ANO2: variants seen among roughly 807,000 people sequenced by gnomAD.
ANO2 encodes anoctamin-2.
In ANO2, 101 loss-of-function variants were observed where a neutral mutation model predicts 124.2. That is an observed-to-expected ratio of 0.81 (90% CI 0.69 to 0.96). ANO2 has a LOEUF of 0.96. ANO2 is among the 40% of genes least tolerant of loss of function. ANO2 has a pLI of 0.00. For missense variants in ANO2, 1,293 were observed against 1,274.5 expected, an observed-to-expected ratio of 1.01 and a Z score of -0.22; for synonymous variants, 486 against 482.5, an observed-to-expected ratio of 1.01 and a Z score of -0.09.
chr12:5,628,008 G>A (rs1565492674), intron 16 of ANO2, among the ~76,000 whole-genome samples: 2 of 152,290 alleles, frequency 1.3e-5, no homozygotes, highest in Admixed American at 6.5e-5. Context: ...GCTGAGGTGG[G>A]AGGATCCCTT....
chr12:5,854,010 G>C (rs1182596382), intron 4 of ANO2, 33 bp downstream of exon 4: 1 of 1,589,180 alleles, frequency 6.3e-7, no homozygotes, highest in East Asian at 2.3e-5. Context: ...CAGCCCTCAG[G>C]AGGCCCAGAA....
In ANO2 at chr12:5,773,758, C is replaced by G. The variant is rs888486303; in HGVS notation, c.1056-22788G>C. Among the ~76,000 whole-genome samples the G allele has an allele frequency of 2.0e-5, 3 of 152,280 alleles. No individual in the cohort carries two copies. The South Asian group carries it at 6.2e-4, about 32-fold the overall frequency. ...CTACAGCAGGAATGAGAAAGAGGCA[C>G]CAAGGCTCACAACTTGGTGAGTGAG... On this transcript the variant is annotated intron_variant, in intron 10 of 24. Coordinates refer to ENST00000682330, the MANE Select transcript of ANO2 (RefSeq NM_001364791.2).
At chr12:5,683,302 A>G (rs1215485136) in intron 14 of ANO2, among the ~76,000 whole-genome samples, 2 of 152,300 alleles carry the variant, frequency 1.3e-5, no homozygotes, top group South Asian at 2.1e-4. Context: ...AAAAAGATTG[A>G]CGTGTCTCTC....
intron 3 of ANO2, among the ~76,000 whole-genome samples, chr12:5,892,338 A>G (rs1303458124): frequency 6.6e-6 from 1 of 152,208 alleles, no homozygotes; most frequent in Non-Finnish European, 1.5e-5. Flanking sequence ...GAAGGTCAGA[A>G]GAATGAGTAC....
intron 4 of ANO2, among the ~76,000 whole-genome samples, chr12:5,837,293 C>CT (rs10623130): frequency 0.47 from 44,813 of 95,672 alleles, 11,039 homozygotes; most frequent in African/African-American, 0.5. Context: ...ATGCAGATTT[C>CT]TTTTTTTTTT....
chr12:5,684,419 G>C lies in ANO2; in HGVS notation c.1546-36618C>G, dbSNP rs116262452. On this transcript the variant is annotated intron_variant, in intron 14 of 24. Transcript: ENST00000682330. ...ATCATGCAGTGGGGGAAACAGATGA[G>C]TACAAGAAGTCAGTGCATGGACCTC... is the stretch of plus-strand genomic sequence containing the variant. 6.8e-3 allele frequency among the ~76,000 whole-genome samples: 1,032 copies of C among 152,322 alleles called. 11 individuals are homozygous for C. The highest frequency in any genetic ancestry group is 0.024 in the African/African-American group (1,004 of 41,566).
At chr12:5,612,565 A>G (rs1046164216) in intron 19 of ANO2, 91 bp downstream of exon 19, 2 of 1,024,722 alleles carry the variant, frequency 2.0e-6, no homozygotes, top group African/African-American at 3.2e-5. Context: ...GTCTAAGAAG[A>G]GGAAAGGCCA....
At chr12:5,571,100 T>G (rs1366473992) in intron 23 of ANO2, among the ~76,000 whole-genome samples, 2 of 152,082 alleles carry the variant, frequency 1.3e-5, no homozygotes, top group Admixed American at 1.3e-4. Flanking sequence ...GCAGAAGCCA[T>G]CCACAGAAGC....
intron 20 of ANO2, 81 bp from the exon 21 acceptor site, chr12:5,578,599 G>A (rs1942563247): frequency 2.2e-5 from 32 of 1,427,700 alleles, no homozygotes; most frequent in Non-Finnish European, 2.9e-5. Flanking sequence ...ACAGCCCCTT[G>A]TCCTTTCTGC....
chr12:5,618,296 G>A (rs1411067844), intron 16 of ANO2, among the ~76,000 whole-genome samples: 1 of 152,150 alleles, frequency 6.6e-6, no homozygotes, highest in East Asian at 1.9e-4. Context: ...GAAGCCATTG[G>A]TGCAAAGAGG....
intron 15 of ANO2, among the ~76,000 whole-genome samples, chr12:5,643,689 CT>C (rs2136950971): frequency 6.6e-6 from 1 of 152,204 alleles, no homozygotes; most frequent in East Asian, 1.9e-4. Flanking sequence ...TTAAGATGCT[CT>C]TTTGATCTAT....
intron 3 of ANO2, among the ~76,000 whole-genome samples, chr12:5,907,836 A>G (rs548061338): frequency 6.6e-6 from 1 of 152,334 alleles, no homozygotes; most frequent in East Asian, 1.9e-4. Context: ...TTCACTCTCC[A>G]TACCCTAAGT....
chr12:5,904,568 G>C lies in ANO2; in HGVS notation c.534+16472C>G, dbSNP rs112777038. Among the ~76,000 whole-genome samples, 576 of 152,320 alleles carry C rather than the reference G, an allele frequency of 3.8e-3. 4 individuals are homozygous for C. Among genetic ancestry groups the C allele is most frequent in the African/African-American group, 0.013 (547 of 41,576 alleles). ...TATCCCAGTACTGCTTCCGGGGGCA[G>C]CTGACACTCCACATCGTCCTGTCCT... is the stretch of plus-strand genomic sequence containing the variant. On this transcript the variant is annotated intron_variant, in intron 3 of 24. Coordinates refer to ENST00000682330, the MANE Select transcript of ANO2 (RefSeq NM_001364791.2). This position sits in a 1 kb window ranked among gnomAD's most constrained non-coding sequence, Gnocchi z 4.1.
chr12:5,867,909 C>T (rs1955473939), intron 3 of ANO2, among the ~76,000 whole-genome samples: 1 of 151,856 alleles, frequency 6.6e-6, no homozygotes, highest in Non-Finnish European at 1.5e-5. Flanking sequence ...TTACCAGAGC[C>T]TGGGAAGGAC....
chr12:5,942,316 C>T (rs1254141931), intron 1 of ANO2, among the ~76,000 whole-genome samples: 1 of 152,168 alleles, frequency 6.6e-6, no homozygotes. Context: ...AAAAACGTTC[C>T]TCTTTTAAAA....
At position 5,562,771 on chromosome 12, in the gene ANO2, T is replaced by C. The variant is rs1414669517; in HGVS notation, c.*528A>G. 6.5e-6 allele frequency: 1 copy of C among 153,772 alleles called. No homozygotes were observed. The highest frequency in any genetic ancestry group is 1.4e-5 in the Non-Finnish European group (1 of 69,134). The allele number at this position is 153,772 out of a possible 1,614,324, so 9.5% of individuals were successfully genotyped here. ...GACGTGAAGTGGAGACAAGCCCAGG[T>C]TTGGACCTTTGCACCTTACTATCAG... On this transcript the variant is annotated 3_prime_UTR_variant, in exon 25 of 25. Coordinates refer to ENST00000682330, the MANE Select transcript of ANO2 (RefSeq NM_001364791.2).
At chr12:5,860,867 C>T (rs1955247215) in intron 3 of ANO2, among the ~76,000 whole-genome samples, 2 of 152,174 alleles carry the variant, frequency 1.3e-5, no homozygotes, top group South Asian at 4.1e-4. Flanking sequence ...AGAAACTTTT[C>T]TGCCTCATAG....
chr12:5,775,524 C>T (rs1456023960), intron 10 of ANO2, among the ~76,000 whole-genome samples: 2 of 148,536 alleles, frequency 1.3e-5, no homozygotes, highest in African/African-American at 2.5e-5. Context: ...TGCAGTGGCG[C>T]GATCTTGGCT....
At chr12:5,878,826 G>A (rs903116864) in intron 3 of ANO2, among the ~76,000 whole-genome samples, 1 of 152,218 alleles carries the variant, frequency 6.6e-6, no homozygotes, top group Non-Finnish European at 1.5e-5. Context: ...ACTCCCTGAA[G>A]AAACACACTG....
Sources: gnomAD v4.1 joint callset for allele counts (sites outside exome capture counted in the v4.1 genomes callset) on GRCh38, gnomAD v4.1.1 for gene constraint, Gnocchi (gnomAD v3.1) non-coding constraint, MANE v1.5 for transcripts, NCBI Gene and HGNC (gene_info 2026-07-23, HGNC 2026-07-21) for gene names.